LARS2: variants seen among roughly 807,000 people sequenced by gnomAD.
LARS2 encodes the protein leucyl-tRNA synthetase 2, mitochondrial, also known as leucine--tRNA ligase, mitochondrial.
LARS2 carries 81 observed loss-of-function variants against 116.6 expected under a neutral mutation model. The observed-to-expected ratio is 0.69, with a 90% CI of 0.58 to 0.84. LARS2 has a LOEUF of 0.84. Ranked by LOEUF, LARS2 falls within the 40% of genes least tolerant of loss-of-function variation. The pLI is 0.00. For missense variants in LARS2, 968 were observed against 1,114.5 expected, an observed-to-expected ratio of 0.87 and a Z score of 1.87; for synonymous variants, 396 against 407.2, an observed-to-expected ratio of 0.97 and a Z score of 0.33.
At chr3:45,474,641 C>T (rs1409386011) in intron 9 of LARS2, among the ~76,000 whole-genome samples, 3 of 152,172 alleles carry the variant, frequency 2.0e-5, no homozygotes, top group Non-Finnish European at 4.4e-5. Flanking sequence ...TCTTTGAAAT[C>T]TGTGTTCTAC....
intron 3 of LARS2, among the ~76,000 whole-genome samples, chr3:45,395,162 A>G (rs1698024047): frequency 6.6e-6 from 1 of 152,222 alleles, no homozygotes. Flanking sequence ...CTCGCTGGCT[A>G]CATGTTCTGA....
At chr3:45,454,091 A>C (rs1282678480) in intron 7 of LARS2, among the ~76,000 whole-genome samples, 2 of 152,134 alleles carry the variant, frequency 1.3e-5, no homozygotes, top group Non-Finnish European at 2.9e-5. Flanking sequence ...GAGAGGCGTG[A>C]GGGTTTGGAA....
At chr3:45,517,658 C>T (rs1455978414) in intron 17 of LARS2, among the ~76,000 whole-genome samples, 1 of 152,200 alleles carries the variant, frequency 6.6e-6, no homozygotes, top group Non-Finnish European at 1.5e-5. Flanking sequence ...GTGGGTGGCA[C>T]TTTGAGTGGC....
Position 45,456,167 on chromosome 3 carries a change from T to C in LARS2, c.607-2576T>C, listed in dbSNP as rs116043514. Among the ~76,000 whole-genome samples, 320 of 152,262 alleles carry C rather than the reference T, an allele frequency of 2.1e-3. 1 individual carries two copies. Among genetic ancestry groups the C allele is most frequent in the African/African-American group, 6.8e-3 (282 of 41,562 alleles). On this transcript the variant is annotated intron_variant, in intron 7 of 21. Transcript: ENST00000645846. ...GTAAATTTATCACCACAAAAAATGT[T>C]AAGTAAGTGAGGTGATGGGTATTTT...
chr3:45,427,167 A>T (rs777265098), intron 6 of LARS2, among the ~76,000 whole-genome samples: 6 of 152,208 alleles, frequency 3.9e-5, no homozygotes, highest in Non-Finnish European at 7.3e-5. Flanking sequence ...TCAGCCAGGT[A>T]CAACATTTGA....
intron 6 of LARS2, among the ~76,000 whole-genome samples, chr3:45,444,520 C>T (rs1343553861): frequency 2.8e-5 from 4 of 145,404 alleles, no homozygotes; most frequent in Non-Finnish European, 6.1e-5. Flanking sequence ...AAAAATTAGC[C>T]GGGCGTAGTG....
Position 45,548,551 on chromosome 3 carries a change from C to G in LARS2, c.*1021C>G, listed in dbSNP as rs1269151292. 6.6e-6 allele frequency: 1 copy of G among 152,262 alleles called. No homozygotes were observed. The highest frequency in any genetic ancestry group is 6.5e-5 in the Admixed American group (1 of 15,292). The allele number at this position is 152,262 out of a possible 1,614,324, so 9.4% of individuals were successfully genotyped here. A position where few individuals can be genotyped will look rare whatever the true frequency, so the allele number is the denominator to read the frequency against. On this transcript the variant is annotated 3_prime_UTR_variant, in exon 22 of 22. Coordinates refer to ENST00000645846, the MANE Select transcript of LARS2 (RefSeq NM_015340.4). Reference sequence around the variant, plus strand: ...CCTCCGGTGTCCAAGCCACAGCGGTCTGGCTGTTGGGAAGATGGCCAGGAA... The same window carrying G: ...CCTCCGGTGTCCAAGCCACAGCGGTGTGGCTGTTGGGAAGATGGCCAGGAA...
chr3:45,484,630 A>AATATATATATATATATAAAATATAT (rs1699768325), intron 10 of LARS2, among the ~76,000 whole-genome samples: 1 of 9,738 alleles, frequency 1.0e-4, no homozygotes, highest in Non-Finnish European at 3.2e-4. Context: ...AAAAAAAAAA[A>AATATATATATATATATAAAATATAT]ATATATATAT....
intron 4 of LARS2, among the ~76,000 whole-genome samples, chr3:45,405,447 T>C (rs1698219754): frequency 6.6e-6 from 1 of 152,236 alleles, no homozygotes; most frequent in African/African-American, 2.4e-5. Flanking sequence ...AGCATACAAC[T>C]CCTTTGTTTA....
intron 7 of LARS2, among the ~76,000 whole-genome samples, chr3:45,455,243 T>C (rs1699195607): frequency 6.6e-6 from 1 of 151,874 alleles, no homozygotes; most frequent in South Asian, 2.1e-4. Context: ...TGCCAGGCCA[T>C]GTGGGAAATG....
intron 13 of LARS2, among the ~76,000 whole-genome samples, chr3:45,495,914 C>G (rs2125736289): frequency 6.6e-6 from 1 of 151,628 alleles, no homozygotes; most frequent in African/African-American, 2.4e-5. Flanking sequence ...GGGTGGAGTG[C>G]AATGGCACGA....
chr3:45,416,226 A>G (rs78369126), intron 4 of LARS2, among the ~76,000 whole-genome samples: 2,177 of 151,568 alleles, frequency 0.014, 35 homozygotes, highest in African/African-American at 0.05. Flanking sequence ...AGACACTCCA[A>G]TCTGGGCAAC....
At chr3:45,461,418 G>A (rs566548361) in intron 8 of LARS2, among the ~76,000 whole-genome samples, 7 of 151,884 alleles carry the variant, frequency 4.6e-5, no homozygotes, top group African/African-American at 1.7e-4. Context: ...AAACTAAAAG[G>A]ACACTGTAGC....
intron 10 of LARS2, among the ~76,000 whole-genome samples, chr3:45,483,816 C>T (rs183127296): frequency 6.6e-6 from 1 of 152,238 alleles, no homozygotes; most frequent in African/African-American, 2.4e-5. Flanking sequence ...TGTTTCCCTA[C>T]CATATCTCAT....
chr3:45,541,371 C>T (rs1700793365), intron 20 of LARS2, among the ~76,000 whole-genome samples: 1 of 152,074 alleles, frequency 6.6e-6, no homozygotes, highest in Admixed American at 6.5e-5. Flanking sequence ...GAGTGTCCTG[C>T]CGTTCACTGC....
intron 15 of LARS2, among the ~76,000 whole-genome samples, chr3:45,510,736 C>T (rs1400691541): frequency 2.6e-5 from 4 of 152,116 alleles, no homozygotes; most frequent in Admixed American, 6.5e-5. Context: ...GATGGCTATG[C>T]GGAGGAATTT....
In LARS2 at chr3:45,419,867, A is replaced by G. The variant is rs854203; in HGVS notation, c.516+138A>G. On this transcript the variant is annotated intron_variant, in intron 6 of 21. Transcript: ENST00000645846. ...AGGAGGGAAGGATTAGCACTCTTCA[A>G]AAAGTATCCTGAGTGGATAATTTGC... The G allele has an allele frequency of 0.039, 27,047 of 689,798 alleles. 5,046 individuals are homozygous for G. In the African/African-American group the frequency reaches 0.42, roughly 11 times the overall value. 42.7% of individuals were successfully genotyped at this position (689,798 alleles called of 1,614,324 possible). A position where few individuals can be genotyped will look rare whatever the true frequency, so the allele number is the denominator to read the frequency against.
At chr3:45,481,298 A>C (rs1394259589) in intron 10 of LARS2, among the ~76,000 whole-genome samples, 2 of 152,132 alleles carry the variant, frequency 1.3e-5, no homozygotes, top group East Asian at 3.8e-4. Flanking sequence ...CTACTTTTTT[A>C]CTATAGTTAT....
intron 15 of LARS2, 106 bp downstream of exon 15, chr3:45,500,685 GTTTT>G: frequency 3.7e-6 from 3 of 811,778 alleles, no homozygotes; most frequent in Non-Finnish European, 5.6e-6. Flanking sequence ...TAGAATACTA[GTTTT>G]CTAGTATGCT....
Sources: gnomAD v4.1 joint callset for allele counts (sites outside exome capture counted in the v4.1 genomes callset) on GRCh38, gnomAD v4.1.1 for gene constraint, MANE v1.5 for transcripts, NCBI Gene and HGNC (gene_info 2026-07-23, HGNC 2026-07-21) for gene names.